SPMIP4: variants seen among roughly 807,000 people sequenced by gnomAD.
The protein encoded by SPMIP4 is sperm microtubule inner protein 4.
At chr7:25,165,021 G>A in the SPMIP4 span, among the ~76,000 whole-genome samples, 6 of 152,124 alleles carry the variant, frequency 3.9e-5, no homozygotes, top group African/African-American at 1.2e-4. Context: ...CCATCTACTC[G>A]GTTAATGGGC....
the SPMIP4 span, among the ~76,000 whole-genome samples, chr7:25,163,396 C>A: frequency 6.6e-6 from 1 of 152,106 alleles, no homozygotes; most frequent in Non-Finnish European, 1.5e-5. This position sits in a 1 kb window ranked among gnomAD's most constrained non-coding sequence, Gnocchi z 4.4. Context: ...TTTTTCCAGC[C>A]TCCGAATGGC....
the SPMIP4 span, chr7:25,142,263 T>G: frequency 6.2e-7 from 1 of 1,613,186 alleles, no homozygotes; most frequent in South Asian, 1.1e-5. Flanking sequence ...AAATCCTATC[T>G]TTCGTGTTAA....
chr7:25,142,206 CCCAA>C, the SPMIP4 span: 5 of 1,510,306 alleles, frequency 3.3e-6, no homozygotes, highest in Non-Finnish European at 4.6e-6. Flanking sequence ...AGCACTCTCC[CCCAA>C]AATAACTGAG....
At chr7:25,126,170 T>A in the SPMIP4 span, among the ~76,000 whole-genome samples, 8 of 152,328 alleles carry the variant, frequency 5.3e-5, no homozygotes, top group South Asian at 6.2e-4. Context: ...CCTTTTTTTC[T>A]GTTACAAGCA....
the SPMIP4 span, chr7:25,151,522 C>T: frequency 1.1e-6 from 1 of 951,702 alleles, no homozygotes; most frequent in East Asian, 2.6e-5. Flanking sequence ...CATGTCAAGC[C>T]TAGATTTTTA....
the SPMIP4 span, among the ~76,000 whole-genome samples, chr7:25,151,929 G>A: frequency 3.7e-4 from 57 of 152,082 alleles, 1 homozygote; most frequent in Non-Finnish European, 8.8e-5. Flanking sequence ...ATCTTTCCAC[G>A]TCAGCCTCCT....
chr7:25,131,446 G>A, the SPMIP4 span, among the ~76,000 whole-genome samples: 2 of 152,232 alleles, frequency 1.3e-5, no homozygotes, highest in African/African-American at 2.4e-5. The surrounding 1 kb of genome is among the most constrained non-coding windows in gnomAD (Gnocchi z 4.2). Flanking sequence ...GGTTCCTGAT[G>A]CCAGAAAGGT....
chr7:25,140,411 C>T, the SPMIP4 span, among the ~76,000 whole-genome samples: 1 of 152,194 alleles, frequency 6.6e-6, no homozygotes, highest in African/African-American at 2.4e-5. Context: ...AAGCGATTCT[C>T]CCACCTTAGC....
At chr7:25,157,793 G>T in the SPMIP4 span, among the ~76,000 whole-genome samples, 1 of 152,132 alleles carries the variant, frequency 6.6e-6, no homozygotes, top group East Asian at 1.9e-4. Flanking sequence ...AGGAAAAACT[G>T]AGGAAATCTG....
chr7:25,142,721 T>C, the SPMIP4 span: 8 of 1,611,298 alleles, frequency 5.0e-6, no homozygotes, highest in African/African-American at 1.3e-5. Context: ...GCAGAGCAAA[T>C]AGGGTCCCAT....
At chr7:25,161,058 T>C in the SPMIP4 span, 14 of 559,590 alleles carry the variant, frequency 2.5e-5, no homozygotes, top group Admixed American at 3.7e-5. Flanking sequence ...TCTGGCATTG[T>C]CTCTATTTTA....
At chr7:25,167,148 AG>A in the SPMIP4 span, among the ~76,000 whole-genome samples, 19 of 152,326 alleles carry the variant, frequency 1.2e-4, no homozygotes, top group Admixed American at 2.0e-4. Flanking sequence ...TTCCATACAG[AG>A]CTATCTCCCC....
chr7:25,146,262 CTGG>C, the SPMIP4 span, among the ~76,000 whole-genome samples: 1 of 152,062 alleles, frequency 6.6e-6, no homozygotes, highest in East Asian at 1.9e-4. Context: ...AAGAGGACGC[CTGG>C]TTGGATAACA....
the SPMIP4 span, among the ~76,000 whole-genome samples, chr7:25,127,018 G>C: frequency 6.6e-6 from 1 of 152,066 alleles, no homozygotes; most frequent in Non-Finnish European, 1.5e-5. Context: ...ACTCCCTCCC[G>C]GCCTGTAAAG....
chr7:25,138,660 A>C, the SPMIP4 span, among the ~76,000 whole-genome samples: 9 of 152,260 alleles, frequency 5.9e-5, no homozygotes, highest in Non-Finnish European at 1.0e-4. The surrounding 1 kb of genome is among the most constrained non-coding windows in gnomAD (Gnocchi z 6.2). Flanking sequence ...TTGAGTAATA[A>C]AAACCCTCAT....
At chr7:25,164,461 G>A in the SPMIP4 span, among the ~76,000 whole-genome samples, 3 of 152,092 alleles carry the variant, frequency 2.0e-5, no homozygotes, top group Admixed American at 1.3e-4. Context: ...TGGAGTTAAT[G>A]AAACACTATA....
At chr7:25,139,744 T>C in the SPMIP4 span, among the ~76,000 whole-genome samples, 2 of 152,218 alleles carry the variant, frequency 1.3e-5, no homozygotes, top group Non-Finnish European at 2.9e-5. Flanking sequence ...ACAGGACTTA[T>C]CATATTGTAC....
At chr7:25,152,748 C>T in the SPMIP4 span, among the ~76,000 whole-genome samples, 38 of 120,386 alleles carry the variant, frequency 3.2e-4, no homozygotes, top group African/African-American at 6.3e-4. Flanking sequence ...CGTTGTCTCT[C>T]TTTTTTTTTT....
At chr7:25,177,664 T>C in the SPMIP4 span, among the ~76,000 whole-genome samples, 1 of 152,214 alleles carries the variant, frequency 6.6e-6, no homozygotes, top group Non-Finnish European at 1.5e-5. Flanking sequence ...GTATCTGTTA[T>C]TTCATATGTA....
Sources: gnomAD v4.1 joint callset for allele counts (sites outside exome capture counted in the v4.1 genomes callset) on GRCh38, gnomAD v4.1.1 for gene constraint, Gnocchi (gnomAD v3.1) non-coding constraint, MANE v1.5 for transcripts, NCBI Gene and HGNC (gene_info 2026-07-23, HGNC 2026-07-21) for gene names.